The following DGKB variants were observed in gnomAD, a reference collection of about 807,000 sequenced individuals.
DGKB encodes 90 kDa diacylglycerol kinase.
A neutral mutation model predicts 114.3 loss-of-function variants in DGKB; 67 were observed. That is an observed-to-expected ratio of 0.59 (90% CI 0.48 to 0.72). The LOEUF is 0.72. Ranked by LOEUF, DGKB falls within the 30% of genes least tolerant of loss-of-function variation. The pLI is 0.00. For synonymous variants in DGKB, 398 were observed against 323.1 expected, an observed-to-expected ratio of 1.23 and a Z score of -2.49; for missense variants, 907 against 975.2, an observed-to-expected ratio of 0.93 and a Z score of 0.93.
At chr7:14,236,763 A>C (rs1436791885) in intron 23 of DGKB, among the ~76,000 whole-genome samples, 1 of 152,014 alleles carries the variant, frequency 6.6e-6, no homozygotes, top group Non-Finnish European at 1.5e-5. Flanking sequence ...TTAACACATG[A>C]AAGCCATTTT....
chr7:14,934,197 A>G (rs368770893), intron 1 of DGKB, among the ~76,000 whole-genome samples: 22 of 152,300 alleles, frequency 1.4e-4, no homozygotes, highest in East Asian at 5.8e-4. Flanking sequence ...TTATTTGATC[A>G]GCAGAGAAAT....
intron 21 of DGKB, among the ~76,000 whole-genome samples, chr7:14,416,052 G>A (rs1257044333): frequency 6.6e-6 from 1 of 151,876 alleles, no homozygotes; most frequent in East Asian, 1.9e-4. Flanking sequence ...TGTGTTTTTT[G>A]GCTGCATAAA....
intron 12 of DGKB, 31 bp downstream of exon 12, chr7:14,682,522 T>C: frequency 6.9e-7 from 1 of 1,457,736 alleles, no homozygotes. Context: ...TGTGGGTGAA[T>C]GCTGGGATTT....
At chr7:14,814,721 C>A (rs2128088453) in intron 2 of DGKB, among the ~76,000 whole-genome samples, 1 of 152,194 alleles carries the variant, frequency 6.6e-6, no homozygotes, top group East Asian at 1.9e-4. Flanking sequence ...ATTATGAAAT[C>A]TGACCAAATA....
chr7:14,656,747 GAT>G (rs71548089), intron 13 of DGKB, among the ~76,000 whole-genome samples: 5 of 51,522 alleles, frequency 9.7e-5, no homozygotes, highest in South Asian at 4.1e-4. Flanking sequence ...ATATATATAG[GAT>G]ATATACACAC....
At chr7:14,380,961 C>T (rs1819366494) in intron 21 of DGKB, among the ~76,000 whole-genome samples, 1 of 152,144 alleles carries the variant, frequency 6.6e-6, no homozygotes, top group East Asian at 1.9e-4. Context: ...AAGATTAAAT[C>T]CAAGGAGTTC....
intron 17 of DGKB, among the ~76,000 whole-genome samples, chr7:14,604,309 T>G (rs1804082479): frequency 6.6e-6 from 1 of 152,084 alleles, no homozygotes; most frequent in Admixed American, 6.6e-5. Context: ...TTTTAGTATT[T>G]GCCAGATAAT....
intron 23 of DGKB, among the ~76,000 whole-genome samples, chr7:14,338,166 T>C (rs1811012446): frequency 6.6e-6 from 1 of 152,164 alleles, no homozygotes; most frequent in South Asian, 2.1e-4. Context: ...AAGCCTTAAC[T>C]ACGTCCTTAT....
intron 1 of DGKB, among the ~76,000 whole-genome samples, chr7:14,957,663 G>A (rs140075175): frequency 1.3e-5 from 2 of 151,970 alleles, no homozygotes; most frequent in East Asian, 1.9e-4. Context: ...TTTCATATAA[G>A]ACTGCCACAA....
rs1781790845 is a variant in DGKB at position 14,149,078 on chromosome 7, G to T, written c.*53C>A. The T allele has an allele frequency of 6.8e-7, 1 of 1,462,154 alleles. No individual in the cohort carries two copies. The highest frequency in any genetic ancestry group is 9.6e-7 in the Non-Finnish European group (1 of 1,042,388). The allele number at this position is 1,462,154 out of a possible 1,614,324, so 90.6% of individuals were successfully genotyped here. A position where few individuals can be genotyped will look rare whatever the true frequency, so the allele number is the denominator to read the frequency against. On this transcript the variant is annotated 3_prime_UTR_variant, in exon 26 of 26. Coordinates refer to ENST00000402815, the MANE Select transcript of DGKB (RefSeq NM_001350709.2). Reference sequence around the variant, plus strand: ...TGGTTCAAAGATTTCCAGCATATGTGTTCCATGGCCCAATTATGCTAATTC... The same window carrying T: ...TGGTTCAAAGATTTCCAGCATATGTTTTCCATGGCCCAATTATGCTAATTC...
intron 23 of DGKB, among the ~76,000 whole-genome samples, chr7:14,294,925 G>A (rs1408597400): frequency 1.3e-5 from 2 of 152,148 alleles, no homozygotes; most frequent in Non-Finnish European, 2.9e-5. Context: ...AGGCTAAGCA[G>A]AAAGAGTGAC....
At chr7:14,300,878 C>T (rs1348907830) in intron 23 of DGKB, among the ~76,000 whole-genome samples, 3 of 152,052 alleles carry the variant, frequency 2.0e-5, no homozygotes, top group Non-Finnish European at 4.4e-5. Context: ...CAATGACTCA[C>T]TCAGCATAGA....
intron 20 of DGKB, among the ~76,000 whole-genome samples, chr7:14,520,098 T>C (rs1410784416): frequency 6.6e-6 from 1 of 151,720 alleles, no homozygotes; most frequent in Non-Finnish European, 1.5e-5. Context: ...TTCAATATAA[T>C]GTCTAAAGAC....
chr7:14,590,852 A>G (rs1801591207), intron 17 of DGKB, among the ~76,000 whole-genome samples: 1 of 152,134 alleles, frequency 6.6e-6, no homozygotes, highest in South Asian at 2.1e-4. Context: ...CTTTATTAAA[A>G]GTAGTATAGG....
At chr7:14,667,720 G>C (rs1373768362) in intron 13 of DGKB, among the ~76,000 whole-genome samples, 1 of 152,064 alleles carries the variant, frequency 6.6e-6, no homozygotes, top group Non-Finnish European at 1.5e-5. Flanking sequence ...CTATCAGCTG[G>C]AGCTGATTAA....
chr7:14,799,199 A>G (rs1280767277), intron 2 of DGKB, among the ~76,000 whole-genome samples: 1 of 152,314 alleles, frequency 6.6e-6, no homozygotes, highest in Middle Eastern at 3.4e-3. Flanking sequence ...TAGAGCTGTT[A>G]ATCTGACAAA....
chr7:14,603,308 A>G (rs939620023), intron 17 of DGKB, among the ~76,000 whole-genome samples: 4 of 152,088 alleles, frequency 2.6e-5, no homozygotes, highest in Non-Finnish European at 5.9e-5. Flanking sequence ...TCACTTTTAT[A>G]TTAGTAAAGA....
intron 20 of DGKB, among the ~76,000 whole-genome samples, chr7:14,566,434 CA>C (rs1209837438): frequency 6.6e-6 from 1 of 151,004 alleles, no homozygotes; most frequent in Non-Finnish European, 1.5e-5. Context: ...ATGGCCAATT[CA>C]ATTATATTTA....
chr7:14,718,668 C>T lies in DGKB; in HGVS notation c.340G>A (p.Gly114Ser). 3.7e-6 allele frequency: 6 copies of T among 1,607,968 alleles called. No homozygotes were observed. Among genetic ancestry groups the T allele is most frequent in the Non-Finnish European group, 4.2e-6 (5 of 1,177,426 alleles). ...GTAGTCCGGGGAGGGGTGATGGCAC[C>T]TTTATTCATTCTCAGACCTGGAAAA... ...LLSGGLRMNK[G>S]AITPPRTTSP... Residue 114 changes from glycine to serine, a missense_variant, in exon 6 of 26, where the codon GGT (glycine) becomes AGT (serine). Around this residue, in one of 3 missense-constraint regions of DGKB, gnomAD observed 814 missense variants for 856.6 expected, o/e 0.95. Transcript: ENST00000402815.
Sources: gnomAD v4.1 joint callset for allele counts (sites outside exome capture counted in the v4.1 genomes callset) on GRCh38, gnomAD v4.1.1 for gene constraint, gnomAD v4.1.1 regional missense constraint, MANE v1.5 for transcripts, NCBI Gene and HGNC (gene_info 2026-07-23, HGNC 2026-07-21) for gene names.